Variants in CTTNBP2 observed in about 807,000 individuals in gnomAD.
The protein encoded by CTTNBP2 is cortactin binding protein 2.
Under a neutral mutation model 156.9 loss-of-function variants are expected in CTTNBP2, and 108 were observed. The ratio of observed to expected loss-of-function variants is 0.69; its 90% CI spans 0.59 to 0.81. The LOEUF is 0.81. Ranked by LOEUF, CTTNBP2 falls within the 30% of genes least tolerant of loss-of-function variation. The pLI is 0.00. For synonymous variants in CTTNBP2, 767 were observed against 751.8 expected, an observed-to-expected ratio of 1.02 and a Z score of -0.33; for missense variants, 1,924 against 2,035.4, an observed-to-expected ratio of 0.95 and a Z score of 1.05.
chr7:117,728,197 C>T lies in CTTNBP2; in HGVS notation c.3947G>A (p.Arg1316His), dbSNP rs138985857. The change falls in exon 17 of 23, where the codon CGT becomes CAT. Residue 1316 changes from arginine to histidine, a missense_variant. Arg to His is a conservative substitution (Grantham distance 29). Coordinates refer to ENST00000160373, the MANE Select transcript of CTTNBP2 (RefSeq NM_033427.3). ...KIVDWALSVW[R>H]QLNSCLARLG... ...GCGGGCCAGGCAGGAGTTAAGCTGA[C>T]GCCAGACGGACAGAGCCCAGTCGAC... 1.5e-5 allele frequency: 24 copies of T among 1,614,024 alleles called. No individual in the cohort carries two copies. The highest frequency in any genetic ancestry group is 9.3e-5 in the African/African-American group (7 of 74,920).
intron 3 of CTTNBP2, among the ~76,000 whole-genome samples, chr7:117,798,651 A>G (rs919986400): frequency 1.3e-5 from 2 of 152,128 alleles, no homozygotes; most frequent in African/African-American, 4.8e-5. Flanking sequence ...CCTCAAATCA[A>G]TCATCCTAGT....
intron 8 of CTTNBP2, among the ~76,000 whole-genome samples, chr7:117,775,584 C>CTT (rs35808637): frequency 0.021 from 2,929 of 138,466 alleles, 48 homozygotes; most frequent in Middle Eastern, 0.043. Context: ...TTTGTTTTTC[C>CTT]TTTTTTTTTT....
At chr7:117,858,155 G>C (rs908989441) in intron 2 of CTTNBP2, among the ~76,000 whole-genome samples, 1 of 152,246 alleles carries the variant, frequency 6.6e-6, no homozygotes, top group Non-Finnish European at 1.5e-5. Context: ...CAGATCACGA[G>C]GTCAGGAGAT....
chr7:117,821,653 A>G (rs1409783636), intron 2 of CTTNBP2, among the ~76,000 whole-genome samples: 2 of 150,718 alleles, frequency 1.3e-5, no homozygotes, highest in East Asian at 1.9e-4. Flanking sequence ...CAGTGGTGCA[A>G]TCTCGGCTCA....
chr7:117,789,180 T>C, intron 4 of CTTNBP2, among the ~76,000 whole-genome samples: 1 of 152,178 alleles, frequency 6.6e-6, no homozygotes, highest in East Asian at 1.9e-4. Context: ...TTCAATCCTG[T>C]TGACAAAATG....
At chr7:117,833,736 G>C (rs909559230) in intron 2 of CTTNBP2, among the ~76,000 whole-genome samples, 2 of 152,186 alleles carry the variant, frequency 1.3e-5, no homozygotes, top group African/African-American at 4.8e-5. Context: ...CTACAAGAAA[G>C]AGACCAAGCC....
At chr7:117,824,137 C>A (rs1263340647) in intron 2 of CTTNBP2, among the ~76,000 whole-genome samples, 1 of 151,450 alleles carries the variant, frequency 6.6e-6, no homozygotes, top group African/African-American at 2.4e-5. Flanking sequence ...CAAGAGCAAG[C>A]CTGAGGTCAG....
intron 2 of CTTNBP2, among the ~76,000 whole-genome samples, chr7:117,857,698 A>G (rs1584564310): frequency 6.6e-6 from 1 of 152,270 alleles, no homozygotes; most frequent in Non-Finnish European, 1.5e-5. Flanking sequence ...GCTGAAAAAA[A>G]AAACCAAGAT....
chr7:117,807,511 G>A (rs977017805), intron 3 of CTTNBP2, among the ~76,000 whole-genome samples: 4 of 152,114 alleles, frequency 2.6e-5, no homozygotes, highest in African/African-American at 9.7e-5. Flanking sequence ...GTCTAGCACT[G>A]GAAACTCCTT....
intron 2 of CTTNBP2, among the ~76,000 whole-genome samples, chr7:117,829,893 T>C (rs769130694): frequency 6.6e-6 from 1 of 152,220 alleles, no homozygotes; most frequent in Non-Finnish European, 1.5e-5. Context: ...TGCCTGTGAA[T>C]GCACAGACTG....
chr7:117,728,146 C>T lies in CTTNBP2; in HGVS notation c.3998G>A (p.Gly1333Glu). 5 of 1,614,156 alleles carry T rather than the reference C, an allele frequency of 3.1e-6. No individual in the cohort carries two copies. The South Asian group carries it at 5.5e-5, about 18-fold the overall frequency. The change falls in exon 17 of 23, where the codon GGA (glycine) becomes GAA (glutamate). Residue 1333 changes from glycine (G) to glutamate (E), a missense_variant. Coordinates refer to ENST00000160373, the MANE Select transcript of CTTNBP2 (RefSeq NM_033427.3). ...AGGACAAGACAGGAAATATTTTGGT[C>T]CAAGAAGTGCTTCAGGTGTGCCCAA... is the stretch of plus-strand genomic sequence containing the variant. ...ARLGTPEALLGPKYFLSCPVV... is the reference protein window; with the variant it reads ...ARLGTPEALLEPKYFLSCPVV...
rs1393244749 is a variant in CTTNBP2 at position 117,780,466 on chromosome 7, C to T, written c.2498G>A (p.Gly833Glu). 25 of 1,586,486 alleles carry T rather than the reference C, an allele frequency of 1.6e-5. No homozygotes were observed. The highest frequency in any genetic ancestry group is 2.1e-5 in the Non-Finnish European group (24 of 1,169,198). Reference protein sequence around the residue: ...KECIKLLLEAGTNRSVKTTDG... With the variant: ...KECIKLLLEAETNRSVKTTDG... ...TGTGGTTTTTACACTTCGATTGGTT[C>T]CAGCTTCCAACAAGAGTTTAATACA... is the stretch of plus-strand genomic sequence containing the variant. The change falls in exon 7 of 23, where the codon GGA (glycine) becomes GAA (glutamate). Residue 833 changes from glycine (G) to glutamate (E), a missense_variant. Coordinates refer to ENST00000160373, the MANE Select transcript of CTTNBP2 (RefSeq NM_033427.3).
Position 117,711,406 on chromosome 7 carries a change from A to T in CTTNBP2, c.*131T>A. On this transcript the variant is annotated 3_prime_UTR_variant, in exon 23 of 23. Coordinates refer to ENST00000160373, the MANE Select transcript of CTTNBP2 (RefSeq NM_033427.3). Reference sequence around the variant, plus strand: ...ATACATTCTTTACAAAAAAAAATTGAATAGTGGTCCCGCACTCATAATTTA... The same window carrying T: ...ATACATTCTTTACAAAAAAAAATTGTATAGTGGTCCCGCACTCATAATTTA... The T allele has an allele frequency of 1.0e-6, 1 of 972,560 alleles. No individual in the cohort carries two copies. Among genetic ancestry groups the T allele is most frequent in the Non-Finnish European group, 1.4e-6 (1 of 692,836 alleles). 60.2% of individuals were successfully genotyped at this position (972,560 alleles called of 1,614,324 possible). A position where few individuals can be genotyped will look rare whatever the true frequency, so the allele number is the denominator to read the frequency against.
intron 2 of CTTNBP2, among the ~76,000 whole-genome samples, chr7:117,856,316 T>C (rs1488118178): frequency 6.6e-6 from 1 of 152,220 alleles, no homozygotes; most frequent in Non-Finnish European, 1.5e-5. Flanking sequence ...GTTTTAAGCA[T>C]GCTGATGAGG....
At chr7:117,760,381 A>C (rs1797136991) in intron 10 of CTTNBP2, 54 bp downstream of exon 10, 1 of 1,554,812 alleles carries the variant, frequency 6.4e-7, no homozygotes, top group Non-Finnish European at 8.8e-7. Context: ...GAAACCCACA[A>C]ACATAAATAA....
At chr7:117,871,921 G>A in intron 1 of CTTNBP2, 1 of 978,848 alleles carries the variant, frequency 1.0e-6, no homozygotes, top group African/African-American at 1.8e-5. Flanking sequence ...TTTTGGGGAT[G>A]AAGGCACCAA....
intron 4 of CTTNBP2, among the ~76,000 whole-genome samples, chr7:117,788,896 A>G (rs33997600): frequency 1.3e-3 from 202 of 152,354 alleles, no homozygotes; most frequent in Non-Finnish European, 2.5e-3. Context: ...TTCTGAGAGG[A>G]ATAAATAAAT....
At chr7:117,868,272 G>A (rs908375568) in intron 1 of CTTNBP2, among the ~76,000 whole-genome samples, 5 of 152,292 alleles carry the variant, frequency 3.3e-5, no homozygotes, top group African/African-American at 1.2e-4. Flanking sequence ...ATATCTGCAC[G>A]CTGATTTTCA....
At chr7:117,803,994 T>C (rs1799777476) in intron 3 of CTTNBP2, among the ~76,000 whole-genome samples, 1 of 152,196 alleles carries the variant, frequency 6.6e-6, no homozygotes, top group African/African-American at 2.4e-5. Context: ...AGATAGGGTC[T>C]CGCTGTTGCC....
Sources: gnomAD v4.1 joint callset for allele counts (sites outside exome capture counted in the v4.1 genomes callset) on GRCh38, gnomAD v4.1.1 for gene constraint, MANE v1.5 for transcripts, NCBI Gene and HGNC (gene_info 2026-07-23, HGNC 2026-07-21) for gene names.